Variants in CC2D2B observed in about 807,000 individuals in gnomAD.
CC2D2B encodes protein CC2D2B.
A neutral mutation model predicts 161.2 loss-of-function variants in CC2D2B; 128 were observed. The ratio of observed to expected loss-of-function variants is 0.79; its 90% CI spans 0.69 to 0.92. CC2D2B has a LOEUF of 0.92. Ranked by LOEUF, CC2D2B falls within the 40% of genes least tolerant of loss-of-function variation. The pLI is 0.00. For synonymous variants in CC2D2B, 391 were observed against 449.8 expected (o/e 0.87, Z 1.65); for missense variants, 1,173 against 1,375.1 (o/e 0.85, Z 2.32).
chr10:95,932,290 G>C (rs2075632804), intron 6 of CC2D2B, among the ~76,000 whole-genome samples: 1 of 152,042 alleles, frequency 6.6e-6, no homozygotes, highest in Non-Finnish European at 1.5e-5. Context: ...TGTGAGATGG[G>C]TCTCCTGAAT....
chr10:96,028,306 TG>T (rs2079872063), intron 34 of CC2D2B, among the ~76,000 whole-genome samples: 1 of 152,132 alleles, frequency 6.6e-6, no homozygotes, highest in Non-Finnish European at 1.5e-5. Flanking sequence ...ATTTTTTAAA[TG>T]GGCAAAAGAC....
intron 9 of CC2D2B, among the ~76,000 whole-genome samples, chr10:95,949,381 A>G (rs2076320085): frequency 2.9e-5 from 1 of 34,908 alleles, no homozygotes; most frequent in African/African-American, 1.3e-4. Context: ...ATTGGAAACC[A>G]TCATTCTCAG....
chr10:96,029,960 G>A (rs1285701944), intron 34 of CC2D2B, among the ~76,000 whole-genome samples: 1 of 151,782 alleles, frequency 6.6e-6, no homozygotes, highest in Non-Finnish European at 1.5e-5. Flanking sequence ...ACAGGTACTT[G>A]CCACCATGCC....
chr10:96,030,003 G>A (rs1393193075), intron 34 of CC2D2B, among the ~76,000 whole-genome samples: 2 of 151,906 alleles, frequency 1.3e-5, no homozygotes, highest in African/African-American at 4.8e-5. Context: ...TGTAAAGATG[G>A]GGTTTCACTA....
At chr10:95,918,891 A>G (rs908403311) in intron 2 of CC2D2B, 3 of 151,818 alleles carry the variant, frequency 2.0e-5, no homozygotes, top group African/African-American at 7.3e-5. Context: ...ATCAATTCTA[A>G]TGTTGGGAGA....
At chr10:96,028,608 G>A (rs2141978655) in intron 34 of CC2D2B, among the ~76,000 whole-genome samples, 1 of 152,288 alleles carries the variant, frequency 6.6e-6, no homozygotes, top group East Asian at 1.9e-4. Context: ...ATAGGATCCA[G>A]CAATCCCACT....
chr10:96,029,292 ATATATATATATATGTATATC>A (rs1314364959), intron 34 of CC2D2B, among the ~76,000 whole-genome samples: 20 of 103,522 alleles, frequency 1.9e-4, no homozygotes, highest in Non-Finnish European at 3.4e-4. Context: ...ATATGTATAT[ATATATATATATATGTATATC>A]TATATATGTA....
rs547873995 is a variant in CC2D2B at position 95,947,652 on chromosome 10, G to C, written c.802-2244G>C. Among the ~76,000 whole-genome samples the C allele has an allele frequency of 2.0e-5, 3 of 152,118 alleles. No homozygotes were observed. The East Asian group carries it at 5.8e-4, about 30-fold the overall frequency. On this transcript the variant is annotated intron_variant, in intron 9 of 34. Coordinates refer to ENST00000646931, the MANE Select transcript of CC2D2B (RefSeq NM_001349008.3). ...AGCTACTTGGGAGGCTGAGGCAGGA[G>C]CATCGCTTGAACCTGGGAGGTGGAG...
intron 7 of CC2D2B, 133 bp downstream of exon 7, chr10:95,938,322 G>A (rs2075899026): frequency 1.5e-6 from 1 of 664,694 alleles, no homozygotes; most frequent in Admixed American, 3.0e-5. Context: ...TGTTTTTCAT[G>A]ACTTCCCTGA....
At chr10:96,017,027 T>A (rs1368953998) in intron 30 of CC2D2B, among the ~76,000 whole-genome samples, 1 of 152,196 alleles carries the variant, frequency 6.6e-6, no homozygotes, top group Non-Finnish European at 1.5e-5. Flanking sequence ...CCATCATATG[T>A]TTCTAATAAG....
At chr10:96,003,064 A>C (rs1332831534) in intron 24 of CC2D2B, among the ~76,000 whole-genome samples, 1 of 149,374 alleles carries the variant, frequency 6.7e-6, no homozygotes, top group Non-Finnish European at 1.5e-5. Context: ...AAACTAAATA[A>C]AAATATTAAA....
intron 2 of CC2D2B, among the ~76,000 whole-genome samples, chr10:95,912,612 G>A (rs758981417): frequency 8.6e-5 from 13 of 152,044 alleles, no homozygotes; most frequent in East Asian, 5.8e-4. Flanking sequence ...GTTGCTGAAC[G>A]TTGCCACACG....
intron 17 of CC2D2B, among the ~76,000 whole-genome samples, chr10:95,978,202 T>C (rs548521006): frequency 6.6e-6 from 1 of 152,360 alleles, no homozygotes; most frequent in Admixed American, 6.5e-5. Context: ...ATTATTCTTC[T>C]TCCTGCTTAG....
At position 95,938,566 on chromosome 10, in the gene CC2D2B, A is replaced by T. The variant is rs1464296194; in HGVS notation, c.536-3A>T. The T allele has an allele frequency of 2.9e-6, 2 of 686,988 alleles. No individual in the cohort carries two copies. Among genetic ancestry groups the T allele is most frequent in the Non-Finnish European group, 5.3e-6 (2 of 377,140 alleles). 42.6% of individuals were successfully genotyped at this position (686,988 alleles called of 1,614,324 possible). ...GTAATATCTAAGTTTTATTGTTATA[A>T]AGTGGTTAACCAGCGCAAACTGCCA... is the stretch of plus-strand genomic sequence containing the variant. On this transcript the variant is annotated splice_polypyrimidine_tract_variant and splice_region_variant and intron_variant, in intron 7 of 34. Transcript: ENST00000646931.
At chr10:95,972,363 C>A in intron 16 of CC2D2B, 147 bp downstream of exon 16, 1 of 574,136 alleles carries the variant, frequency 1.7e-6, no homozygotes, top group East Asian at 3.6e-5. Context: ...AGAATCTCAC[C>A]CAGGATGAAG....
At chr10:95,926,848 C>CTG (rs1209292988) in intron 5 of CC2D2B, among the ~76,000 whole-genome samples, 6,665 of 106,686 alleles carry the variant, frequency 0.062, 163 homozygotes, top group South Asian at 0.12. Flanking sequence ...GTGTGTGTGT[C>CTG]TGTGTGTGTG....
intron 24 of CC2D2B, among the ~76,000 whole-genome samples, chr10:96,002,706 T>G (rs1243626783): frequency 1.3e-5 from 2 of 152,194 alleles, no homozygotes; most frequent in East Asian, 1.9e-4. Flanking sequence ...AAACTTCCAC[T>G]TAAAATTGTT....
intron 20 of CC2D2B, among the ~76,000 whole-genome samples, 174 bp downstream of exon 20, chr10:95,988,516 G>A (rs1054840340): frequency 2.0e-5 from 3 of 152,128 alleles, no homozygotes; most frequent in African/African-American, 4.8e-5. Flanking sequence ...TTGAGAGTTA[G>A]GTTACTTCAT....
Position 95,961,978 on chromosome 10 carries a change from C to G in CC2D2B, c.1250+9C>G. ...AAGTTACAGGTTCAGAGGTAAGTGG[C>G]TGCTCTATTTGCTCTTATTGGTCTC... On this transcript the variant is annotated intron_variant, in intron 12 of 34. Transcript: ENST00000646931. 1 of 1,231,358 alleles carries G rather than the reference C, an allele frequency of 8.1e-7. No individual in the cohort carries two copies. The allele number at this position is 1,231,358 out of a possible 1,614,324, so 76.3% of individuals were successfully genotyped here. A position where few individuals can be genotyped will look rare whatever the true frequency, so the allele number is the denominator to read the frequency against.
Sources: allele counts gnomAD v4.1 joint callset (sites outside exome capture counted in the v4.1 genomes callset), GRCh38; gene constraint gnomAD v4.1.1; transcripts MANE v1.5; gene names NCBI Gene and HGNC (gene_info 2026-07-23, HGNC 2026-07-21).